The following UBE2N variants were observed in gnomAD, a reference collection of about 807,000 sequenced individuals.
UBE2N encodes the protein ubiquitin-conjugating enzyme E2 N.
For missense variants in UBE2N, 60 were observed against 192.1 expected, an observed-to-expected ratio of 0.31 and a Z score of 4.07; for synonymous variants, 70 against 69.2, an observed-to-expected ratio of 1.01 and a Z score of -0.06.
At chr12:93,429,336 T>C (rs1343271658) in intron 1 of UBE2N, 4 of 415,454 alleles carry the variant, frequency 9.6e-6, no homozygotes. Flanking sequence ...GCAAGATAAC[T>C]CTAACATATT....
chr12:93,433,569 C>T (rs779547007), intron 1 of UBE2N, among the ~76,000 whole-genome samples: 47 of 152,192 alleles, frequency 3.1e-4, no homozygotes, highest in Non-Finnish European at 5.6e-4. Context: ...TTTTCGCATA[C>T]ACACATAAGA....
At chr12:93,415,314 T>C (rs1217633420) in intron 1 of UBE2N, among the ~76,000 whole-genome samples, 1 of 152,214 alleles carries the variant, frequency 6.6e-6, no homozygotes, top group Non-Finnish European at 1.5e-5. Context: ...AGTAATATAC[T>C]GAAATAGTCA....
chr12:93,426,976 G>A (rs959367460), intron 1 of UBE2N, among the ~76,000 whole-genome samples: 1 of 151,924 alleles, frequency 6.6e-6, no homozygotes, highest in African/African-American at 2.4e-5. Flanking sequence ...CTGGAGTGCA[G>A]TGGCACGATC....
rs1346885209 is a variant in UBE2N, at chr12:93,438,700, C to T, written c.30+3155G>A. Among the ~76,000 whole-genome samples the T allele has an allele frequency of 3.3e-5, 5 of 152,016 alleles. No individual in the cohort carries two copies. In the South Asian group the frequency reaches 1.0e-3, roughly 32 times the overall value. ...GCTGCTGCTCCAAAGTAGGCTAATA[C>T]AGGAGGCCAGGCAGTAAATGATGGA... is the stretch of plus-strand genomic sequence containing the variant. On this transcript the variant is annotated intron_variant, in intron 1 of 3. Transcript: ENST00000318066.
In UBE2N at chr12:93,409,678, A is replaced by C. The variant is rs752099432; in HGVS notation, c.*361T>G. On this transcript the variant is annotated 3_prime_UTR_variant, in exon 4 of 4. Transcript: ENST00000318066. ...TAAACTACCTCCCCCCTCAAAAATA[A>C]AATAAAATAAAATAAAATAAAAACA... is the stretch of plus-strand genomic sequence containing the variant. 35 of 179,284 alleles carry C rather than the reference A, an allele frequency of 2.0e-4. No individual in the cohort carries two copies. Among genetic ancestry groups the C allele is most frequent in the Non-Finnish European group, 4.2e-4 (32 of 76,690 alleles). 11.1% of individuals were successfully genotyped at this position (179,284 alleles called of 1,614,324 possible). A position where few individuals can be genotyped will look rare whatever the true frequency, so the allele number is the denominator to read the frequency against.
chr12:93,425,687 G>T (rs1878558783), intron 1 of UBE2N, among the ~76,000 whole-genome samples: 1 of 152,164 alleles, frequency 6.6e-6, no homozygotes, highest in Non-Finnish European at 1.5e-5. Flanking sequence ...AGCAGTGACT[G>T]CAAAGAGCAG....
chr12:93,414,416 T>G (rs1322573603), intron 1 of UBE2N, among the ~76,000 whole-genome samples: 3 of 130,118 alleles, frequency 2.3e-5, no homozygotes, highest in Admixed American at 2.0e-4. Context: ...GCCATTGCTC[T>G]CCAGCCTAGG....
At chr12:93,434,593 C>T (rs1434975616) in intron 1 of UBE2N, among the ~76,000 whole-genome samples, 1 of 152,168 alleles carries the variant, frequency 6.6e-6, no homozygotes, top group East Asian at 1.9e-4. Context: ...AAAACAGTAT[C>T]TTTAGAGCCT....
chr12:93,434,307 G>C (rs1419802187), intron 1 of UBE2N, among the ~76,000 whole-genome samples: 3 of 152,062 alleles, frequency 2.0e-5, no homozygotes, highest in Admixed American at 6.6e-5. Context: ...AAAAAACTCT[G>C]GTTTTAAGAG....
chr12:93,418,130 A>C (rs1878279693), intron 1 of UBE2N, among the ~76,000 whole-genome samples: 1 of 150,002 alleles, frequency 6.7e-6, no homozygotes, highest in Non-Finnish European at 1.5e-5. Flanking sequence ...CACTTGGCCC[A>C]ATAAGTGAGC....
chr12:93,416,057 A>G (rs1294745746), intron 1 of UBE2N, among the ~76,000 whole-genome samples: 6 of 152,236 alleles, frequency 3.9e-5, no homozygotes, highest in African/African-American at 1.2e-4. Flanking sequence ...TGTAGAAAAC[A>G]TTTTGAAATA....
intron 3 of UBE2N, 33 bp downstream of exon 3, chr12:93,410,701 G>A (rs1592738875): frequency 6.2e-7 from 1 of 1,610,738 alleles, no homozygotes; most frequent in East Asian, 2.2e-5. Context: ...TGTAAAAGTG[G>A]AAGTGGTGTG....
At chr12:93,439,350 C>T (rs1428967354) in intron 1 of UBE2N, among the ~76,000 whole-genome samples, 1 of 152,120 alleles carries the variant, frequency 6.6e-6, no homozygotes, top group South Asian at 2.1e-4. Context: ...TGGTGGCATG[C>T]ACCTTGCAGT....
intron 1 of UBE2N, among the ~76,000 whole-genome samples, chr12:93,432,878 A>C (rs757586267): frequency 6.6e-6 from 1 of 152,154 alleles, no homozygotes; most frequent in Admixed American, 6.5e-5. Context: ...GCCAATTCAA[A>C]ACCAAAAATG....
At chr12:93,421,222 G>C (rs188832063) in intron 1 of UBE2N, among the ~76,000 whole-genome samples, 5 of 116,052 alleles carry the variant, frequency 4.3e-5, no homozygotes, top group Admixed American at 3.7e-4. Flanking sequence ...GGGCTGGGGG[G>C]ACAGATTCTC....
At chr12:93,431,056 G>A (rs553555919) in intron 1 of UBE2N, among the ~76,000 whole-genome samples, 4 of 151,780 alleles carry the variant, frequency 2.6e-5, no homozygotes, top group South Asian at 2.1e-4. Flanking sequence ...GTGAAACCCC[G>A]TCTCTACTAA....
At chr12:93,421,164 G>A (rs1045641279) in intron 1 of UBE2N, among the ~76,000 whole-genome samples, 3 of 142,294 alleles carry the variant, frequency 2.1e-5, no homozygotes, top group Admixed American at 7.6e-5. Flanking sequence ...TATTCAGTCT[G>A]GTTTCAGGAT....
intron 1 of UBE2N, among the ~76,000 whole-genome samples, chr12:93,420,112 C>A (rs916979916): frequency 2.6e-5 from 4 of 152,124 alleles, no homozygotes; most frequent in African/African-American, 9.7e-5. Context: ...GAAGGAAAAA[C>A]GGAAGAAAAA....
At chr12:93,424,583 T>C (rs999632662) in intron 1 of UBE2N, among the ~76,000 whole-genome samples, 5 of 152,106 alleles carry the variant, frequency 3.3e-5, no homozygotes, top group Admixed American at 2.0e-4. Flanking sequence ...TATTGGAGGG[T>C]TGTCTCCCAC....
Sources: gnomAD v4.1 joint callset for allele counts (sites outside exome capture counted in the v4.1 genomes callset) on GRCh38, gnomAD v4.1.1 for gene constraint, MANE v1.5 for transcripts, NCBI Gene and HGNC (gene_info 2026-07-23, HGNC 2026-07-21) for gene names.